LYPLAL1: variants seen among roughly 807,000 people sequenced by gnomAD.
LYPLAL1 encodes the protein lysophospholipase like 1.
In LYPLAL1, 23 loss-of-function variants were observed where a neutral mutation model predicts 19.7. That is an observed-to-expected ratio of 1.17 (90% CI 0.84 to 1.65). The LOEUF is 1.65. LYPLAL1 is among the 40% of genes most tolerant of loss of function. The pLI, the probability that LYPLAL1 is intolerant of heterozygous loss-of-function variation, is 0.00. For synonymous variants in LYPLAL1, 119 were observed against 96.3 expected (o/e 1.24, Z -1.38); for missense variants, 355 against 279.4 (o/e 1.27, Z -1.93).
At chr1:219,414,250 A>T in the LYPLAL1 span, among the ~76,000 whole-genome samples, 1 of 152,236 alleles carries the variant, frequency 6.6e-6, no homozygotes, top group African/African-American at 2.4e-5. Flanking sequence ...TTATCTCTTT[A>T]TGGGTACCCA....
chr1:219,193,868 A>G (rs377093606), intron 3 of LYPLAL1, among the ~76,000 whole-genome samples: 1 of 151,902 alleles, frequency 6.6e-6, no homozygotes, highest in South Asian at 2.1e-4. Context: ...GGTACACGAC[A>G]TATTTTGGTG....
the LYPLAL1 span, among the ~76,000 whole-genome samples, chr1:219,221,077 A>C: frequency 2.0e-5 from 3 of 152,292 alleles, no homozygotes; most frequent in African/African-American, 7.2e-5. Flanking sequence ...AGGAATCAAA[A>C]TTCTAGCATG....
chr1:219,232,189 G>C, the LYPLAL1 span, among the ~76,000 whole-genome samples: 4 of 152,090 alleles, frequency 2.6e-5, no homozygotes, highest in Admixed American at 2.0e-4. Context: ...GAGTTTTTAA[G>C]GGAGATATTT....
At position 219,173,990 on chromosome 1, in the gene LYPLAL1, C is replaced by A; in HGVS notation, c.91+9C>A. ...CTTCCTGCATGGCTCAGGTGGATTTCAATTTTACGTCCTGGTTTTCTACAG... is the reference window on the plus strand; with the variant it reads ...CTTCCTGCATGGCTCAGGTGGATTTAAATTTTACGTCCTGGTTTTCTACAG... On this transcript the variant is annotated intron_variant, in intron 1 of 4. Transcript: ENST00000366928. The A allele has an allele frequency of 6.2e-7, 1 of 1,614,064 alleles. No homozygotes were observed. The highest frequency in any genetic ancestry group is 8.5e-7 in the Non-Finnish European group (1 of 1,179,968).
At chr1:219,193,402 GATATT>G (rs1657358450) in intron 3 of LYPLAL1, 151 bp downstream of exon 3, 1 of 474,328 alleles carries the variant, frequency 2.1e-6, no homozygotes, top group East Asian at 3.3e-5. Context: ...GGATTTCAAA[GATATT>G]AGAATTATAA....
At chr1:219,296,329 G>A in the LYPLAL1 span, among the ~76,000 whole-genome samples, 2 of 152,168 alleles carry the variant, frequency 1.3e-5, no homozygotes, top group African/African-American at 2.4e-5. Flanking sequence ...ACTCTGTGCA[G>A]GGCCTCTGGG....
At chr1:219,182,746 G>A (rs1656396590) in intron 2 of LYPLAL1, among the ~76,000 whole-genome samples, 1 of 151,758 alleles carries the variant, frequency 6.6e-6, no homozygotes, top group Admixed American at 6.6e-5. Context: ...CTGTACTATG[G>A]ATATTTCATT....
At chr1:219,330,370 C>A in the LYPLAL1 span, among the ~76,000 whole-genome samples, 20 of 152,172 alleles carry the variant, frequency 1.3e-4, no homozygotes, top group African/African-American at 4.8e-4. Flanking sequence ...AACAGAGACT[C>A]AGCTTTATGA....
At chr1:219,407,242 T>C in the LYPLAL1 span, among the ~76,000 whole-genome samples, 7 of 152,326 alleles carry the variant, frequency 4.6e-5, no homozygotes, top group Admixed American at 2.0e-4. Context: ...ATCCTTATGA[T>C]GGTTCAAAGA....
the LYPLAL1 span, among the ~76,000 whole-genome samples, chr1:219,364,623 A>C: frequency 6.6e-6 from 1 of 152,312 alleles, no homozygotes; most frequent in East Asian, 1.9e-4. Flanking sequence ...ATAGTGTGGC[A>C]GGCACAGAGG....
At chr1:219,226,192 C>T in the LYPLAL1 span, among the ~76,000 whole-genome samples, 1 of 152,264 alleles carries the variant, frequency 6.6e-6, no homozygotes, top group Non-Finnish European at 1.5e-5. Flanking sequence ...GTGCCTAGTA[C>T]AGTGATTGCC....
the LYPLAL1 span, among the ~76,000 whole-genome samples, chr1:219,248,325 A>T: frequency 1.3e-5 from 2 of 152,136 alleles, no homozygotes; most frequent in South Asian, 2.1e-4. Flanking sequence ...ATGCAAGAGG[A>T]TGTTTGCCAC....
chr1:219,192,012 C>T (rs1443418194), intron 2 of LYPLAL1, among the ~76,000 whole-genome samples: 1 of 151,268 alleles, frequency 6.6e-6, no homozygotes, highest in Admixed American at 6.6e-5. Context: ...CGTTCAAGCC[C>T]CTTAAGTGGA....
the LYPLAL1 span, among the ~76,000 whole-genome samples, chr1:219,235,571 A>G: frequency 3.9e-5 from 6 of 152,200 alleles, no homozygotes; most frequent in South Asian, 1.2e-3. Flanking sequence ...TTTGCAGAGT[A>G]GAACAGAAAT....
At chr1:219,196,860 C>A (rs1319830732) in intron 3 of LYPLAL1, among the ~76,000 whole-genome samples, 3 of 151,964 alleles carry the variant, frequency 2.0e-5, no homozygotes, top group Admixed American at 2.0e-4. Context: ...CAACAGTAGG[C>A]AAGCAGAGAG....
the LYPLAL1 span, among the ~76,000 whole-genome samples, chr1:219,310,997 T>C: frequency 6.6e-6 from 1 of 152,206 alleles, no homozygotes; most frequent in Non-Finnish European, 1.5e-5. Flanking sequence ...GGGAGAGAGA[T>C]TAAATATTCA....
the LYPLAL1 span, among the ~76,000 whole-genome samples, chr1:219,287,875 G>A: frequency 6.6e-6 from 1 of 152,094 alleles, no homozygotes; most frequent in Admixed American, 6.6e-5. Context: ...AAAATGTGTA[G>A]CACTTCCCCC....
the LYPLAL1 span, among the ~76,000 whole-genome samples, chr1:219,292,296 A>ACAAC: frequency 6.6e-6 from 1 of 152,192 alleles, no homozygotes; most frequent in African/African-American, 2.4e-5. Flanking sequence ...CCTGAAGTTC[A>ACAAC]CAACCACAAG....
chr1:219,234,811 A>G, the LYPLAL1 span, among the ~76,000 whole-genome samples: 3 of 152,146 alleles, frequency 2.0e-5, no homozygotes, highest in African/African-American at 7.2e-5. Context: ...ATGTTCACTC[A>G]ATCGAGTGCA....
Sources: allele counts gnomAD v4.1 joint callset (sites outside exome capture counted in the v4.1 genomes callset), GRCh38; gene constraint gnomAD v4.1.1; transcripts MANE v1.5; gene names NCBI Gene and HGNC (gene_info 2026-07-23, HGNC 2026-07-21).